CLSTN2: variants seen among roughly 807,000 people sequenced by gnomAD.
The protein encoded by CLSTN2 is calsyntenin-2.
In CLSTN2, 48 loss-of-function variants were observed where a neutral mutation model predicts 101.2. The ratio of observed to expected loss-of-function variants is 0.47; its 90% CI spans 0.38 to 0.60. The LOEUF is 0.60. CLSTN2 is among the 20% of genes least tolerant of loss of function. The pLI, the probability that CLSTN2 is intolerant of heterozygous loss-of-function variation, is 0.00. For synonymous variants in CLSTN2, 481 were observed against 463.6 expected (o/e 1.04, Z -0.48); for missense variants, 1,160 against 1,238.2 (o/e 0.94, Z 0.95).
intron 2 of CLSTN2, among the ~76,000 whole-genome samples, chr3:140,375,162 A>T (rs1266837172): frequency 6.6e-6 from 1 of 152,188 alleles, no homozygotes; most frequent in Non-Finnish European, 1.5e-5. Flanking sequence ...GCTGAGGGGA[A>T]AGGTAGTTGA....
intron 1 of CLSTN2, among the ~76,000 whole-genome samples, chr3:140,020,860 C>G (rs778344519): frequency 1.3e-5 from 2 of 151,916 alleles, no homozygotes; most frequent in Non-Finnish European, 2.9e-5. Flanking sequence ...GACATAGACT[C>G]TTTTAATAGG....
intron 10 of CLSTN2, among the ~76,000 whole-genome samples, chr3:140,547,377 G>A (rs1342796631): frequency 6.6e-6 from 1 of 152,084 alleles, no homozygotes; most frequent in Non-Finnish European, 1.5e-5. Flanking sequence ...AGGAGGCTGA[G>A]GCAGGAGAAT....
At chr3:139,953,173 C>T (rs1436916661) in intron 1 of CLSTN2, among the ~76,000 whole-genome samples, 1 of 152,070 alleles carries the variant, frequency 6.6e-6, no homozygotes, top group Admixed American at 6.5e-5. Flanking sequence ...TTTCATCAGG[C>T]TCAATAAGGT....
intron 2 of CLSTN2, among the ~76,000 whole-genome samples, chr3:140,330,111 G>T (rs576562478): frequency 1.7e-4 from 26 of 152,358 alleles, no homozygotes; most frequent in African/African-American, 6.3e-4. Flanking sequence ...CTGGAAGAGA[G>T]ACATACTTAG....
chr3:140,352,020 G>T (rs1026544701), intron 2 of CLSTN2, among the ~76,000 whole-genome samples: 1 of 152,066 alleles, frequency 6.6e-6, no homozygotes, highest in African/African-American at 2.4e-5. Context: ...ATATACCTTG[G>T]CAAGAAAATG....
intron 2 of CLSTN2, among the ~76,000 whole-genome samples, chr3:140,254,618 G>T (rs949156384): frequency 6.6e-6 from 1 of 152,000 alleles, no homozygotes; most frequent in African/African-American, 2.4e-5. Flanking sequence ...GAAAATTTAG[G>T]CATACAGATG....
intron 1 of CLSTN2, among the ~76,000 whole-genome samples, chr3:139,980,480 G>C (rs1935895324): frequency 6.6e-6 from 1 of 151,996 alleles, no homozygotes; most frequent in Admixed American, 6.6e-5. Flanking sequence ...CTAATTTCTT[G>C]TCTCTTTGTG....
chr3:140,385,756 G>A (rs967700991), intron 2 of CLSTN2, among the ~76,000 whole-genome samples: 3 of 152,066 alleles, frequency 2.0e-5, no homozygotes, highest in Non-Finnish European at 2.9e-5. Flanking sequence ...AGCAGGTATG[G>A]GGTTACAGAT....
rs143869326 is a variant in CLSTN2, at chr3:140,300,484, C to T, written c.233-103145C>T. ...ACCCAGCCCTGCCTCAGAGAGTTGGCATTGGGAAATACAAGGAAAATCTAT... is the reference window on the plus strand; with the variant it reads ...ACCCAGCCCTGCCTCAGAGAGTTGGTATTGGGAAATACAAGGAAAATCTAT... On this transcript the variant is annotated intron_variant, in intron 2 of 16. Transcript: ENST00000458420. Among the ~76,000 whole-genome samples, 263 of 152,248 alleles carry T rather than the reference C, an allele frequency of 1.7e-3. 1 individual carries two copies. Among genetic ancestry groups the T allele is most frequent in the African/African-American group, 6.2e-3 (256 of 41,550 alleles).
At chr3:140,173,589 G>A (rs1576455259) in intron 1 of CLSTN2, among the ~76,000 whole-genome samples, 1 of 152,340 alleles carries the variant, frequency 6.6e-6, no homozygotes, top group East Asian at 1.9e-4. Context: ...CCTAGCAGAG[G>A]TTCTCCATGA....
chr3:140,027,142 G>A (rs1032140859), intron 1 of CLSTN2, among the ~76,000 whole-genome samples: 2 of 152,224 alleles, frequency 1.3e-5, no homozygotes, highest in African/African-American at 2.4e-5. Flanking sequence ...AAACTGATCT[G>A]GCAGGCCAAG....
At chr3:140,516,277 T>G (rs1032998894) in intron 8 of CLSTN2, among the ~76,000 whole-genome samples, 6 of 152,234 alleles carry the variant, frequency 3.9e-5, no homozygotes, top group Non-Finnish European at 8.8e-5. Flanking sequence ...TGGTGAATTT[T>G]TATCCATTCT....
At chr3:140,297,412 C>T (rs2107907400) in intron 2 of CLSTN2, among the ~76,000 whole-genome samples, 1 of 152,316 alleles carries the variant, frequency 6.6e-6, no homozygotes, top group East Asian at 1.9e-4. Context: ...TTTGTTACTA[C>T]ATCTTCCCTT....
chr3:140,099,074 G>T (rs772310551), intron 1 of CLSTN2, among the ~76,000 whole-genome samples: 2 of 152,184 alleles, frequency 1.3e-5, no homozygotes, highest in East Asian at 1.9e-4. Flanking sequence ...CTGCTGGTCC[G>T]TATGTGGCTC....
At chr3:140,502,720 G>A (rs1327754505) in intron 8 of CLSTN2, among the ~76,000 whole-genome samples, 1 of 152,156 alleles carries the variant, frequency 6.6e-6, no homozygotes, top group East Asian at 1.9e-4. Flanking sequence ...GTGGAAGAAG[G>A]AGATGAGACA....
intron 1 of CLSTN2, among the ~76,000 whole-genome samples, chr3:140,003,197 A>G (rs1358144971): frequency 1.3e-4 from 20 of 152,194 alleles, no homozygotes; most frequent in Admixed American, 1.3e-3. Flanking sequence ...ATCTACGAAC[A>G]TGGAAAGTCT....
chr3:140,152,283 A>T (rs1309127269), intron 1 of CLSTN2, among the ~76,000 whole-genome samples: 1 of 151,598 alleles, frequency 6.6e-6, no homozygotes, highest in East Asian at 1.9e-4. Context: ...ATTCTTTCTC[A>T]GATGGACCAG....
At position 140,499,972 on chromosome 3, in the gene CLSTN2, C is replaced by A. The variant is rs573012877; in HGVS notation, c.1345-32352C>A. Among the ~76,000 whole-genome samples, 181 of 151,720 alleles carry A rather than the reference C, an allele frequency of 1.2e-3. 2 individuals are homozygous for A. Among genetic ancestry groups the A allele is most frequent in the Non-Finnish European group, 2.3e-3 (156 of 67,956 alleles). On this transcript the variant is annotated intron_variant, in intron 8 of 16. Transcript: ENST00000458420. ...GTCCCAGCTACTCAGAAGGCTGAGG[C>A]GGGAGAATGGTGTGAACCTGGGAGG...
At chr3:140,011,509 A>G (rs1373437658) in intron 1 of CLSTN2, among the ~76,000 whole-genome samples, 1 of 152,232 alleles carries the variant, frequency 6.6e-6, no homozygotes, top group Non-Finnish European at 1.5e-5. Flanking sequence ...TCTGAACCTC[A>G]GAATCCATTC....
Sources: allele counts gnomAD v4.1 joint callset (sites outside exome capture counted in the v4.1 genomes callset), GRCh38; gene constraint gnomAD v4.1.1; transcripts MANE v1.5; gene names NCBI Gene and HGNC (gene_info 2026-07-23, HGNC 2026-07-21).